CAPZA1: variants seen among roughly 807,000 people sequenced by gnomAD.
CAPZA1 encodes the protein capping actin protein of muscle Z-line subunit alpha 1.
CAPZA1 carries 10 observed loss-of-function variants against 40.8 expected under a neutral mutation model. The ratio of observed to expected loss-of-function variants is 0.25; its 90% CI spans 0.15 to 0.42. CAPZA1 has a LOEUF of 0.42. Among genes scored for constraint, CAPZA1 ranks in the 10% least tolerant of loss-of-function variants. The pLI, the probability that CAPZA1 is intolerant of heterozygous loss-of-function variation, is 1.00. For missense variants in CAPZA1, 277 were observed against 353.8 expected (o/e 0.78, Z 1.74); for synonymous variants, 98 against 115.0 (o/e 0.85, Z 0.95).
chr1:112,659,664 T>C (rs996807507), intron 6 of CAPZA1, 37 bp from the exon 7 acceptor site: 4 of 1,553,288 alleles, frequency 2.6e-6, no homozygotes, highest in Non-Finnish European at 3.5e-6. Flanking sequence ...CTTGTGCTTA[T>C]TGCTAATTCT....
At chr1:112,624,023 A>AAAAAAAG (rs1557724999) in intron 1 of CAPZA1, among the ~76,000 whole-genome samples, 1 of 150,026 alleles carries the variant, frequency 6.7e-6, no homozygotes, top group African/African-American at 2.5e-5. Context: ...AAAAAAAAGA[A>AAAAAAAG]AAAAGAAAAG....
intron 3 of CAPZA1, among the ~76,000 whole-genome samples, chr1:112,653,279 C>T (rs1671433401): frequency 1.3e-5 from 2 of 152,072 alleles, no homozygotes; most frequent in Non-Finnish European, 2.9e-5. Flanking sequence ...AGCCTGGCAA[C>T]GTAGTGAGAC....
At chr1:112,668,306 T>C (rs533448692) in intron 8 of CAPZA1, among the ~76,000 whole-genome samples, 11 of 152,134 alleles carry the variant, frequency 7.2e-5, no homozygotes, top group African/African-American at 2.6e-4. Context: ...AACTAAGAAG[T>C]GTTAAAACTA....
At chr1:112,659,663 A>G (rs1476892211) in intron 6 of CAPZA1, 38 bp from the exon 7 acceptor site, 1 of 1,533,428 alleles carries the variant, frequency 6.5e-7, no homozygotes, top group South Asian at 1.1e-5. Flanking sequence ...TCTTGTGCTT[A>G]TTGCTAATTC....
chr1:112,656,425 G>A (rs2101176518), intron 5 of CAPZA1, among the ~76,000 whole-genome samples: 1 of 118,224 alleles, frequency 8.5e-6, no homozygotes, highest in East Asian at 2.7e-4. Flanking sequence ...GTTAGGCTAG[G>A]TGTCATTATG....
intron 1 of CAPZA1, among the ~76,000 whole-genome samples, chr1:112,623,511 T>C (rs1570697045): frequency 6.7e-6 from 1 of 150,346 alleles, no homozygotes; most frequent in East Asian, 2.0e-4. Flanking sequence ...AGAAACCCCA[T>C]CTCTACTAAA....
chr1:112,649,336 C>T (rs1671341898), intron 2 of CAPZA1, 82 bp from the exon 3 acceptor site: 3 of 983,378 alleles, frequency 3.1e-6, no homozygotes, highest in Non-Finnish European at 4.9e-6. Context: ...CAAAGCCTGA[C>T]ATTTAAAAAT....
intron 4 of CAPZA1, 39 bp downstream of exon 4, chr1:112,653,700 A>G (rs765894543): frequency 1.5e-6 from 2 of 1,329,066 alleles, no homozygotes; most frequent in Non-Finnish European, 2.1e-6. Flanking sequence ...CCTGGCAGAT[A>G]GTAGAGATCC....
intron 1 of CAPZA1, among the ~76,000 whole-genome samples, chr1:112,636,424 G>A (rs1671021135): frequency 1.3e-5 from 2 of 151,898 alleles, no homozygotes; most frequent in African/African-American, 4.8e-5. Flanking sequence ...TTTTAGGTTA[G>A]GAACAAAATA....
intron 1 of CAPZA1, among the ~76,000 whole-genome samples, chr1:112,639,920 G>A (rs1570708702): frequency 7.2e-6 from 1 of 139,076 alleles, no homozygotes; most frequent in East Asian, 2.3e-4. Context: ...AGGTGGGGGG[G>A]TCAGCCCCCC....
chr1:112,650,838 G>T (rs898652503), intron 3 of CAPZA1, among the ~76,000 whole-genome samples: 17 of 152,182 alleles, frequency 1.1e-4, no homozygotes, highest in Non-Finnish European at 4.4e-5. Flanking sequence ...TTTTGGCTAA[G>T]ATTAAGAGAA....
chr1:112,662,817 C>T (rs771287398), intron 7 of CAPZA1, among the ~76,000 whole-genome samples: 1 of 152,112 alleles, frequency 6.6e-6, no homozygotes, highest in Non-Finnish European at 1.5e-5. Context: ...TCTTTATTCT[C>T]GAACAAAAAG....
rs370366312 is a variant in CAPZA1 at position 112,641,202 on chromosome 1, A to G, written c.40-6008A>G. 6.7e-5 allele frequency among the ~76,000 whole-genome samples: 10 copies of G among 150,204 alleles called. No individual in the cohort carries two copies. The East Asian group carries it at 1.6e-3, about 24-fold the overall frequency. On this transcript the variant is annotated intron_variant, in intron 1 of 9. Coordinates refer to ENST00000263168, the MANE Select transcript of CAPZA1 (RefSeq NM_006135.3). ...TGCCAAATCCCCCTCTGTGAGAAAC[A>G]CCCAAGAATGATCAATAAAAAAAAA...
At chr1:112,643,279 T>A (rs183915222) in intron 1 of CAPZA1, among the ~76,000 whole-genome samples, 1 of 152,220 alleles carries the variant, frequency 6.6e-6, no homozygotes, top group Non-Finnish European at 1.5e-5. Flanking sequence ...GATTTCTTCC[T>A]GATTAGAATC....
intron 1 of CAPZA1, among the ~76,000 whole-genome samples, chr1:112,627,990 G>C (rs1670849148): frequency 6.6e-6 from 1 of 152,084 alleles, no homozygotes; most frequent in African/African-American, 2.4e-5. Flanking sequence ...AGTGCTCTTT[G>C]AGCTTAAGTA....
At chr1:112,640,921 C>A (rs565391341) in intron 1 of CAPZA1, among the ~76,000 whole-genome samples, 2,674 of 152,270 alleles carry the variant, frequency 0.018, 62 homozygotes, top group African/African-American at 0.057. Flanking sequence ...TGTGACCTTA[C>A]CCCCAACCCT....
Position 112,647,194 on chromosome 1 carries a change from T to G in CAPZA1, c.40-16T>G. ...TCTTCATAATTCTCCTAAGTGTAAA[T>G]TTTGTTTCTCTTTAGGTACGCATAG... On this transcript the variant is annotated splice_polypyrimidine_tract_variant and intron_variant, in intron 1 of 9. Coordinates refer to ENST00000263168, the MANE Select transcript of CAPZA1 (RefSeq NM_006135.3). 7.1e-7 allele frequency: 1 copy of G among 1,399,852 alleles called. No individual in the cohort carries two copies. Among genetic ancestry groups the G allele is most frequent in the East Asian group, 2.4e-5 (1 of 40,920 alleles). 86.7% of individuals were successfully genotyped at this position (1,399,852 alleles called of 1,614,324 possible). A position where few individuals can be genotyped will look rare whatever the true frequency, so the allele number is the denominator to read the frequency against.
intron 1 of CAPZA1, among the ~76,000 whole-genome samples, chr1:112,635,066 T>A (rs1260427836): frequency 6.6e-6 from 1 of 152,122 alleles, no homozygotes; most frequent in Non-Finnish European, 1.5e-5. Flanking sequence ...GCAGTTTCCC[T>A]CCCAAAAAAA....
At chr1:112,621,017 A>AGG (rs1200087553) in intron 1 of CAPZA1, among the ~76,000 whole-genome samples, 1 of 152,298 alleles carries the variant, frequency 6.6e-6, no homozygotes, top group South Asian at 2.1e-4. Context: ...TGGGATGGGA[A>AGG]GGGGACTGTT....
Sources: allele counts gnomAD v4.1 joint callset (sites outside exome capture counted in the v4.1 genomes callset), GRCh38; gene constraint gnomAD v4.1.1; transcripts MANE v1.5; gene names NCBI Gene and HGNC (gene_info 2026-07-23, HGNC 2026-07-21).